CSMD1: variants seen among roughly 807,000 people sequenced by gnomAD.
CSMD1 encodes the protein CUB and Sushi multiple domains 1, also known as CUB and sushi domain-containing protein 1.
CSMD1 carries 213 observed loss-of-function variants against 417.5 expected under a neutral mutation model. The ratio of observed to expected loss-of-function variants is 0.51; its 90% CI spans 0.46 to 0.57. The LOEUF (loss-of-function observed/expected upper bound fraction) is 0.57. Among genes scored for constraint, CSMD1 ranks in the 20% least tolerant of loss-of-function variants. The probability of loss-of-function intolerance (pLI) is 0.00; values close to 1 mark genes in which losing one functional copy is unlikely to be tolerated. For synonymous variants in CSMD1, 2,862 were observed against 1,736.8 expected, an observed-to-expected ratio of 1.65 and a Z score of -16.11; for missense variants, 6,923 against 4,529.7, an observed-to-expected ratio of 1.53 and a Z score of -15.17.
intron 10 of CSMD1, among the ~76,000 whole-genome samples, chr8:3,501,971 T>C (rs927121499): frequency 6.6e-6 from 1 of 152,130 alleles, no homozygotes; most frequent in Admixed American, 6.5e-5. Context: ...TCATTGCTGA[T>C]GGGAATGCAA....
At chr8:4,954,314 A>C (rs1302704302) in intron 1 of CSMD1, among the ~76,000 whole-genome samples, 15 of 152,220 alleles carry the variant, frequency 9.9e-5, no homozygotes, top group Admixed American at 8.5e-4. Flanking sequence ...TTTTAAATAA[A>C]GGAAGCTTGT....
Position 4,604,710 on chromosome 8 carries a change from T to C in CSMD1, c.302+32632A>G, listed in dbSNP as rs554392882. Among the ~76,000 whole-genome samples the C allele has an allele frequency of 5.3e-5, 8 of 152,310 alleles. No individual in the cohort carries two copies. The East Asian group carries it at 1.5e-3, about 29-fold the overall frequency. The stretch of plus-strand genomic sequence containing the variant: ...GTCTCCTACTTGGGAATGATGATGA[T>C]ACATGGGCTTAATGGTAACATTTAT... On this transcript the variant is annotated intron_variant, in intron 2 of 69. Transcript: ENST00000635120.
intron 1 of CSMD1, among the ~76,000 whole-genome samples, chr8:4,714,576 A>G (rs73659191): frequency 0.026 from 3,951 of 152,296 alleles, 137 homozygotes; most frequent in East Asian, 0.12. Flanking sequence ...TCCCAAGTTC[A>G]TAGGGTTATT....
intron 1 of CSMD1, among the ~76,000 whole-genome samples, chr8:4,979,427 G>C (rs186529171): frequency 2.0e-5 from 3 of 152,218 alleles, no homozygotes; most frequent in East Asian, 1.9e-4. Flanking sequence ...GACGGAACTC[G>C]AGCTTACTTA....
chr8:4,672,797 C>G (rs1462224432), intron 1 of CSMD1, among the ~76,000 whole-genome samples: 1 of 151,870 alleles, frequency 6.6e-6, no homozygotes, highest in Non-Finnish European at 1.5e-5. Context: ...CATACTTACA[C>G]TCACATGCAT....
chr8:3,555,561 C>G (rs1417917733), intron 10 of CSMD1, among the ~76,000 whole-genome samples: 3 of 152,220 alleles, frequency 2.0e-5, no homozygotes, highest in Non-Finnish European at 2.9e-5. Context: ...GCTTGCTTCA[C>G]TGAAGCTTTT....
At chr8:3,602,572 A>G (rs1801414740) in intron 8 of CSMD1, among the ~76,000 whole-genome samples, 1 of 152,170 alleles carries the variant, frequency 6.6e-6, no homozygotes, top group Admixed American at 6.5e-5. Flanking sequence ...ACACTCCTGA[A>G]CAGAGCCATG....
At chr8:4,813,254 C>T (rs1799009338) in intron 1 of CSMD1, among the ~76,000 whole-genome samples, 1 of 152,052 alleles carries the variant, frequency 6.6e-6, no homozygotes, top group South Asian at 2.1e-4. Context: ...ACATGAAATG[C>T]TTGTAGTAAT....
intron 3 of CSMD1, among the ~76,000 whole-genome samples, chr8:4,233,131 G>C (rs770807538): frequency 6.6e-6 from 1 of 152,170 alleles, no homozygotes; most frequent in Middle Eastern, 3.2e-3. Context: ...TATCCACAAC[G>C]TTCCAGCTTC....
chr8:3,627,351 A>G (rs760280675), intron 7 of CSMD1, among the ~76,000 whole-genome samples: 10 of 152,190 alleles, frequency 6.6e-5, no homozygotes, highest in Non-Finnish European at 1.3e-4. Context: ...TAAGACTTCA[A>G]TTTCACAGAT....
intron 2 of CSMD1, among the ~76,000 whole-genome samples, chr8:4,523,918 G>C (rs1404887412): frequency 6.6e-6 from 1 of 152,018 alleles, no homozygotes; most frequent in East Asian, 1.9e-4. Context: ...TTTCTAATCA[G>C]CTCTGCTCCT....
chr8:3,081,293 G>A (rs1814079525), intron 49 of CSMD1, among the ~76,000 whole-genome samples: 1 of 152,164 alleles, frequency 6.6e-6, no homozygotes, highest in African/African-American at 2.4e-5. Flanking sequence ...TATGCATTCA[G>A]GAAGTTTATA....
chr8:4,001,387 G>T (rs896467643), intron 4 of CSMD1, among the ~76,000 whole-genome samples: 21 of 152,160 alleles, frequency 1.4e-4, no homozygotes, highest in Non-Finnish European at 2.9e-4. Context: ...CTGCTGGAAG[G>T]TTCGATGACC....
intron 3 of CSMD1, among the ~76,000 whole-genome samples, chr8:4,263,319 G>T (rs1289239957): frequency 6.6e-6 from 1 of 152,082 alleles, no homozygotes; most frequent in African/African-American, 2.4e-5. Context: ...ACCAAAAGGG[G>T]CCTCTGTGAC....
chr8:4,267,785 C>A (rs1015102619), intron 3 of CSMD1, among the ~76,000 whole-genome samples: 1 of 151,958 alleles, frequency 6.6e-6, no homozygotes, highest in Non-Finnish European at 1.5e-5. Context: ...TTATATTGAA[C>A]AATGGTATGA....
chr8:3,493,787 G>C (rs1796237658), intron 10 of CSMD1, 61 bp from the exon 11 acceptor site: 5 of 1,381,894 alleles, frequency 3.6e-6, no homozygotes, highest in East Asian at 2.5e-5. Flanking sequence ...ACTTTTAATA[G>C]GTATTGCAAA....
In CSMD1 at chr8:4,092,272, CAACT is replaced by C. The variant is rs539967477; in HGVS notation, c.416-60177_416-60174del. The stretch of plus-strand genomic sequence containing the variant: ...AAAACCTCCATTAATTTGTTCCAAC[CAACT>C]GAGTATGGGAAACCCGAGGGCAACA... On this transcript the variant is annotated intron_variant, in intron 3 of 69. Coordinates refer to ENST00000635120, the MANE Select transcript of CSMD1 (RefSeq NM_033225.6). Among the ~76,000 whole-genome samples, 37 of 152,188 alleles carry C rather than the reference CAACT, an allele frequency of 2.4e-4. No individual in the cohort carries two copies. The South Asian group carries it at 5.4e-3, about 22-fold the overall frequency.
At chr8:4,388,341 C>T (rs1187805239) in intron 3 of CSMD1, among the ~76,000 whole-genome samples, 2 of 151,310 alleles carry the variant, frequency 1.3e-5, no homozygotes, top group African/African-American at 4.9e-5. Context: ...CACACACACA[C>T]ACACGAACAC....
intron 26 of CSMD1, among the ~76,000 whole-genome samples, chr8:3,250,480 C>A (rs1002503264): frequency 2.0e-5 from 3 of 152,128 alleles, no homozygotes; most frequent in African/African-American, 7.2e-5. Context: ...TGGGTTGGTT[C>A]CAAGTCTTTG....
Sources: gnomAD v4.1 joint callset for allele counts (sites outside exome capture counted in the v4.1 genomes callset) on GRCh38, gnomAD v4.1.1 for gene constraint, MANE v1.5 for transcripts, NCBI Gene and HGNC (gene_info 2026-07-23, HGNC 2026-07-21) for gene names.